The following SPAG16 variants were observed in gnomAD, a reference collection of about 807,000 sequenced individuals.
SPAG16 encodes sperm associated antigen 16, also known as sperm-associated antigen 16 protein.
A neutral mutation model predicts 80.4 loss-of-function variants in SPAG16; 86 were observed. That is an observed-to-expected ratio of 1.07 (90% CI 0.90 to 1.28). SPAG16 has a LOEUF of 1.28. SPAG16 is among the 50% of genes most tolerant of loss of function. The pLI is 0.00. For missense variants in SPAG16, 870 were observed against 765.3 expected (o/e 1.14, Z -1.61); for synonymous variants, 294 against 265.9 (o/e 1.11, Z -1.03).
chr2:213,791,957 G>A (rs2070725953), intron 10 of SPAG16, among the ~76,000 whole-genome samples: 1 of 152,138 alleles, frequency 6.6e-6, no homozygotes, highest in Admixed American at 6.5e-5. Flanking sequence ...TAAAGACTGA[G>A]TATTTTGCAA....
chr2:213,875,505 A>G (rs1345843918), intron 11 of SPAG16, among the ~76,000 whole-genome samples: 1 of 152,166 alleles, frequency 6.6e-6, no homozygotes, highest in African/African-American at 2.4e-5. Context: ...TTTTTTACTG[A>G]CTATGATGAG....
rs529660516 is a variant in SPAG16, at chr2:213,803,711, T to C, written c.1071-58774T>C. 9.5e-4 allele frequency among the ~76,000 whole-genome samples: 144 copies of C among 152,296 alleles called. 1 individual carries two copies. Among genetic ancestry groups the C allele is most frequent in the African/African-American group, 3.3e-3 (137 of 41,566 alleles). ...ATTTTACTCTGTTTTTCAGTGGCTT[T>C]CTCTTTAACTTTTTTTAAAAATGTA... On this transcript the variant is annotated intron_variant, in intron 10 of 15. Coordinates refer to ENST00000331683, the MANE Select transcript of SPAG16 (RefSeq NM_024532.5).
intron 13 of SPAG16, among the ~76,000 whole-genome samples, chr2:214,046,810 C>T (rs2049349221): frequency 6.6e-6 from 1 of 151,686 alleles, no homozygotes; most frequent in Non-Finnish European, 1.5e-5. Context: ...CACAAGAAAA[C>T]TGTTAAAACT....
rs534183398 is a variant in SPAG16 at position 213,340,190 on chromosome 2, T to C, written c.564T>C (p.Ile188=). ...AAGCTAGAGAAGATTTGCTGAAAAT[T>C]CAGAAAGAACGTGATTTTCATCGAA... ...ADKAREDLLK[I]QKERDFHRMH... Residue 188 remains isoleucine (I), a synonymous_variant, in exon 6 of 16, where the codon ATT becomes ATC. Coordinates refer to ENST00000331683, the MANE Select transcript of SPAG16 (RefSeq NM_024532.5). The C allele has an allele frequency of 1.5e-5, 24 of 1,611,232 alleles. No homozygotes were observed. The East Asian group carries it at 4.9e-4, about 33-fold the overall frequency.
At chr2:214,125,724 C>T (rs557867517) in intron 14 of SPAG16, among the ~76,000 whole-genome samples, 107 of 151,848 alleles carry the variant, frequency 7.0e-4, no homozygotes, top group African/African-American at 2.5e-3. Flanking sequence ...CACCTTTCCT[C>T]ACCCATCTTA....
At chr2:213,403,087 C>CTGT (rs1195806656) in intron 9 of SPAG16, among the ~76,000 whole-genome samples, 1 of 151,900 alleles carries the variant, frequency 6.6e-6, no homozygotes, top group Non-Finnish European at 1.5e-5. Flanking sequence ...TCTCCAGCAC[C>CTGT]TGTTGTTTCC....
intron 10 of SPAG16, among the ~76,000 whole-genome samples, chr2:213,755,264 A>G (rs2068270622): frequency 6.6e-6 from 1 of 152,208 alleles, no homozygotes; most frequent in African/African-American, 2.4e-5. Context: ...AGTGAAAGAT[A>G]GTGATTCTAC....
intron 10 of SPAG16, among the ~76,000 whole-genome samples, chr2:213,770,245 T>A (rs1166258032): frequency 6.6e-6 from 1 of 152,172 alleles, no homozygotes; most frequent in Non-Finnish European, 1.5e-5. Context: ...ATTTATTTTT[T>A]TCTTATTTTT....
intron 11 of SPAG16, among the ~76,000 whole-genome samples, chr2:213,882,640 G>C (rs888421803): frequency 2.6e-5 from 4 of 152,254 alleles, no homozygotes; most frequent in Non-Finnish European, 5.9e-5. Context: ...TGTGGGATCA[G>C]TTGTAATCTC....
chr2:213,491,972 G>A (rs2074251163), intron 10 of SPAG16, among the ~76,000 whole-genome samples: 1 of 152,172 alleles, frequency 6.6e-6, no homozygotes, highest in Admixed American at 6.5e-5. Context: ...ACATACCGCA[G>A]TGGAAGATTA....
At chr2:213,403,029 T>C (rs980603187) in intron 9 of SPAG16, among the ~76,000 whole-genome samples, 1 of 151,838 alleles carries the variant, frequency 6.6e-6, no homozygotes, top group Non-Finnish European at 1.5e-5. Flanking sequence ...GTTGAACTAG[T>C]TTACAGTCCC....
At chr2:213,717,859 G>A (rs573942973) in intron 10 of SPAG16, among the ~76,000 whole-genome samples, 1 of 151,926 alleles carries the variant, frequency 6.6e-6, no homozygotes, top group African/African-American at 2.4e-5. Flanking sequence ...TTTACAAAAT[G>A]GGGTTTTAAA....
rs80291425 is a variant in SPAG16 at position 214,131,440 on chromosome 2, A to C, written c.1594-17700A>C. Among the ~76,000 whole-genome samples the C allele has an allele frequency of 9.0e-3, 1,365 of 152,218 alleles. 27 individuals are homozygous for C. Among genetic ancestry groups the C allele is most frequent in the African/African-American group, 0.031 (1,291 of 41,532 alleles). ...TAACTATTTGTTTGTATAAGGTAAC[A>C]TGTTATAAGTGCCAAAAGTGGCTAA... On this transcript the variant is annotated intron_variant, in intron 14 of 15. Coordinates refer to ENST00000331683, the MANE Select transcript of SPAG16 (RefSeq NM_024532.5).
intron 10 of SPAG16, among the ~76,000 whole-genome samples, chr2:213,593,521 G>A (rs1408104166): frequency 6.6e-6 from 1 of 151,688 alleles, no homozygotes; most frequent in African/African-American, 2.4e-5. Flanking sequence ...ATTTAATTTT[G>A]AAATTCAAAT....
intron 15 of SPAG16, among the ~76,000 whole-genome samples, chr2:214,363,591 C>G (rs1699309184): frequency 6.6e-6 from 1 of 151,898 alleles, no homozygotes; most frequent in African/African-American, 2.4e-5. Flanking sequence ...GAGACAAGCT[C>G]TCCAGAATAA....
intron 3 of SPAG16, among the ~76,000 whole-genome samples, chr2:213,306,791 AT>A (rs1188431400): frequency 6.6e-6 from 1 of 151,900 alleles, no homozygotes; most frequent in Non-Finnish European, 1.5e-5. Flanking sequence ...CAGGACAGAG[AT>A]TTTCTCTCCA....
chr2:214,103,863 C>A (rs1327435880), intron 13 of SPAG16, among the ~76,000 whole-genome samples: 2 of 151,674 alleles, frequency 1.3e-5, no homozygotes, highest in Non-Finnish European at 2.9e-5. Flanking sequence ...TTATGTACCA[C>A]GAGAAAGGAA....
chr2:213,793,466 T>A (rs2070831584), intron 10 of SPAG16, among the ~76,000 whole-genome samples: 1 of 152,142 alleles, frequency 6.6e-6, no homozygotes, highest in Non-Finnish European at 1.5e-5. Flanking sequence ...AATAAATAAA[T>A]TGCCAGTCTG....
At chr2:214,124,626 G>C (rs186903155) in intron 14 of SPAG16, among the ~76,000 whole-genome samples, 3 of 151,802 alleles carry the variant, frequency 2.0e-5, no homozygotes, top group Non-Finnish European at 4.4e-5. Context: ...AAGAAAACTT[G>C]ATTATCCCCT....
Sources: allele counts gnomAD v4.1 joint callset (sites outside exome capture counted in the v4.1 genomes callset), GRCh38; gene constraint gnomAD v4.1.1; transcripts MANE v1.5; gene names NCBI Gene and HGNC (gene_info 2026-07-23, HGNC 2026-07-21).